WDR25: variants seen among roughly 807,000 people sequenced by gnomAD.
The protein encoded by WDR25 is WD repeat-containing protein 25.
WDR25 carries 35 observed loss-of-function variants against 47.7 expected under a neutral mutation model. That is an observed-to-expected ratio of 0.73 (90% CI 0.56 to 0.97). The LOEUF (loss-of-function observed/expected upper bound fraction) is 0.97. WDR25 is among the 50% of genes least tolerant of loss of function. The probability of loss-of-function intolerance (pLI) is 0.00; values close to 1 mark genes in which losing one functional copy is unlikely to be tolerated. For synonymous variants in WDR25, 248 were observed against 278.9 expected (o/e 0.89, Z 1.10); for missense variants, 634 against 704.7 (o/e 0.90, Z 1.14).
intron 2 of WDR25, among the ~76,000 whole-genome samples, chr14:100,463,965 G>A (rs941863060): frequency 2.0e-5 from 3 of 152,108 alleles, no homozygotes; most frequent in African/African-American, 7.2e-5. Context: ...CCTCCTGATT[G>A]TCTTCCTTCA....
chr14:100,378,326 C>G (rs1327661570), intron 1 of WDR25, among the ~76,000 whole-genome samples: 5 of 152,022 alleles, frequency 3.3e-5, no homozygotes, highest in Non-Finnish European at 7.4e-5. Context: ...TGTGCCACCA[C>G]GCCCGGCTAA....
At chr14:100,438,564 C>T (rs973882653) in intron 2 of WDR25, among the ~76,000 whole-genome samples, 4 of 152,226 alleles carry the variant, frequency 2.6e-5, no homozygotes, top group Non-Finnish European at 5.9e-5. Flanking sequence ...TTAACCCTTG[C>T]ACTGCCCTGT....
chr14:100,459,904 A>G (rs1358781712), intron 2 of WDR25, among the ~76,000 whole-genome samples: 5,377 of 39,806 alleles, frequency 0.14, 381 homozygotes, highest in African/African-American at 0.34. Flanking sequence ...GTATATATAT[A>G]TATATATATA....
chr14:100,457,528 C>T (rs960031685), intron 2 of WDR25, among the ~76,000 whole-genome samples: 6 of 152,296 alleles, frequency 3.9e-5, no homozygotes, highest in East Asian at 1.9e-4. Flanking sequence ...GAAGTGATTT[C>T]GCCGTCAGCA....
chr14:100,461,014 A>G (rs1243498010), intron 2 of WDR25, among the ~76,000 whole-genome samples: 1 of 152,162 alleles, frequency 6.6e-6, no homozygotes, highest in East Asian at 1.9e-4. Context: ...GGAGTTTGAG[A>G]CCAGCTTGGG....
rs144878634 is a variant in WDR25 at position 100,397,292 on chromosome 14, G to A, written c.822+15546G>A. ...TATTGTCGGTGGAAATGGACCTGTC[G>A]TTCTGTAACAAAATCTGTTTCTTTT... On this transcript the variant is annotated intron_variant, in intron 2 of 6. Coordinates refer to ENST00000402312, the MANE Select transcript of WDR25 (RefSeq NM_001161476.3). 8.4e-4 allele frequency among the ~76,000 whole-genome samples: 128 copies of A among 152,298 alleles called. 1 individual carries two copies. The highest frequency in any genetic ancestry group is 2.9e-3 in the African/African-American group (122 of 41,558).
At chr14:100,398,796 T>A (rs751578275) in intron 2 of WDR25, among the ~76,000 whole-genome samples, 1 of 150,192 alleles carries the variant, frequency 6.7e-6, no homozygotes, top group African/African-American at 2.5e-5. Context: ...CAGTAAGGAA[T>A]GGACTGGAGC....
intron 2 of WDR25, chr14:100,454,878 G>A (rs989308418): frequency 6.2e-6 from 1 of 162,184 alleles, no homozygotes; most frequent in Non-Finnish European, 1.4e-5. Context: ...ACACCGCAAG[G>A]GAAACAGAGT....
At position 100,529,173 on chromosome 14, in the gene WDR25, C is replaced by A. The variant is rs372989730; in HGVS notation, c.1378C>A (p.Arg460=). Reference sequence around the variant, plus strand: ...CCTTTTCTCCACTGTGTGGCCCTACCGGATGAGCAGACGGCGGCGCTATGA... The same window carrying A: ...CCTTTTCTCCACTGTGTGGCCCTACAGGATGAGCAGACGGCGGCGCTATGA... The part of the protein sequence containing the change: ...LALFSTVWPY[R]MSRRRRYEGH... Residue 460 remains arginine, a synonymous_variant, in exon 6 of 7, where the codon CGG becomes AGG. Coordinates refer to ENST00000402312, the MANE Select transcript of WDR25 (RefSeq NM_001161476.3). The surrounding 1 kb of genome is among the most constrained non-coding windows in gnomAD (Gnocchi z 5.1). 1.2e-6 allele frequency: 2 copies of A among 1,612,732 alleles called. No individual in the cohort carries two copies. Among genetic ancestry groups the A allele is most frequent in the Non-Finnish European group, 1.7e-6 (2 of 1,179,036 alleles).
rs920906667 is a variant in WDR25, at chr14:100,488,394, C to G, written c.1101+4270C>G. ...GTGAGGGTCAATTTCTGCAGAAGCC[C>G]CTGAGCCTCTAGTGCCGTTGGCCTG... On this transcript the variant is annotated intron_variant, in intron 4 of 6. Transcript: ENST00000402312. This position sits in a 1 kb window ranked among gnomAD's most constrained non-coding sequence, Gnocchi z 4.2. Among the ~76,000 whole-genome samples, 2 of 152,046 alleles carry G rather than the reference C, an allele frequency of 1.3e-5. No individual in the cohort carries two copies. Among genetic ancestry groups the G allele is most frequent in the Non-Finnish European group, 2.9e-5 (2 of 67,996 alleles).
rs962069974 is a variant in WDR25, at chr14:100,425,630, C to T, written c.823-42391C>T. On this transcript the variant is annotated intron_variant, in intron 2 of 6. Transcript: ENST00000402312. The surrounding 1 kb of genome is among the most constrained non-coding windows in gnomAD (Gnocchi z 4.8). ...TCGGACGCTGATGGTGGGGGCTGGG[C>T]CCTGTGCTGACACAGGCTCAGCAGG... is the stretch of plus-strand genomic sequence containing the variant. 1.3e-5 allele frequency among the ~76,000 whole-genome samples: 2 copies of T among 152,188 alleles called. No individual in the cohort carries two copies. Among genetic ancestry groups the T allele is most frequent in the Non-Finnish European group, 1.5e-5 (1 of 68,048 alleles).
intron 2 of WDR25, among the ~76,000 whole-genome samples, chr14:100,436,836 G>T (rs1391771006): frequency 6.6e-6 from 1 of 152,206 alleles, no homozygotes; most frequent in African/African-American, 2.4e-5. Context: ...GGGTACATGC[G>T]CACCCCAGAA....
At chr14:100,522,756 A>C (rs2029919656) in intron 4 of WDR25, among the ~76,000 whole-genome samples, 1 of 152,222 alleles carries the variant, frequency 6.6e-6, no homozygotes, top group South Asian at 2.1e-4. Context: ...TGCAGCCAGT[A>C]ATAGGCTGCC....
intron 4 of WDR25, 121 bp downstream of exon 4, chr14:100,484,245 T>G: frequency 8.6e-7 from 1 of 1,160,744 alleles, no homozygotes; most frequent in Non-Finnish European, 1.2e-6. Context: ...TACCACTTAA[T>G]ATTTAATCAG....
intron 3 of WDR25, among the ~76,000 whole-genome samples, chr14:100,477,129 C>T (rs1900044241): frequency 6.6e-6 from 1 of 152,190 alleles, no homozygotes; most frequent in Admixed American, 6.5e-5. Context: ...TGGATATCTC[C>T]ACCTGAGAAA....
chr14:100,507,886 A>AT (rs1045161154), intron 4 of WDR25, among the ~76,000 whole-genome samples: 12 of 152,034 alleles, frequency 7.9e-5, no homozygotes, highest in African/African-American at 2.7e-4. Context: ...AGTTTGACTT[A>AT]TTTTTTCCTA....
chr14:100,519,731 A>AGTGTATATATAGTATATATATAGT (rs1351462971), intron 4 of WDR25, among the ~76,000 whole-genome samples: 9 of 129,256 alleles, frequency 7.0e-5, no homozygotes, highest in Non-Finnish European at 1.4e-4. Flanking sequence ...TACTATATAT[A>AGTGTATATATAGTATATATATAGT]GTGTATATAT....
chr14:100,380,714 G>A (rs928743441), intron 1 of WDR25, among the ~76,000 whole-genome samples, 196 bp from the exon 2 acceptor site: 3 of 152,070 alleles, frequency 2.0e-5, no homozygotes, highest in South Asian at 2.1e-4. Context: ...GGCTGGTCTC[G>A]AACTCCTGAT....
intron 4 of WDR25, among the ~76,000 whole-genome samples, chr14:100,485,640 A>G (rs1390137119): frequency 1.3e-5 from 2 of 152,178 alleles, no homozygotes; most frequent in Non-Finnish European, 1.5e-5. Flanking sequence ...AGGTTTGTGA[A>G]CATCTGCCTT....
Sources: allele counts gnomAD v4.1 joint callset (sites outside exome capture counted in the v4.1 genomes callset), GRCh38; gene constraint gnomAD v4.1.1; non-coding constraint Gnocchi (gnomAD v3.1); transcripts MANE v1.5; gene names NCBI Gene and HGNC (gene_info 2026-07-23, HGNC 2026-07-21).